The following DIP2C variants were observed in gnomAD, a reference collection of about 807,000 sequenced individuals.
DIP2C encodes the protein disco-interacting protein 2 homolog C.
Under a neutral mutation model 192.4 loss-of-function variants are expected in DIP2C, and 33 were observed. That is an observed-to-expected ratio of 0.17 (90% confidence interval 0.13 to 0.23). DIP2C has a LOEUF of 0.23. DIP2C is among the 10% of genes least tolerant of loss of function. The pLI is 1.00. For missense variants in DIP2C, 1,537 were observed against 2,110.1 expected, an observed-to-expected ratio of 0.73 and a Z score of 5.32; for synonymous variants, 979 against 864.1, an observed-to-expected ratio of 1.13 and a Z score of -2.33.
chr10:378,719 A>T (rs1961976178), intron 17 of DIP2C, among the ~76,000 whole-genome samples: 1 of 152,024 alleles, frequency 6.6e-6, no homozygotes, highest in African/African-American at 2.4e-5. Context: ...ATGCACAGAC[A>T]CGTGAACAGA....
At chr10:398,348 AAACTCTTTCAACC>A (rs1304543219) in intron 10 of DIP2C, among the ~76,000 whole-genome samples, 1 of 152,222 alleles carries the variant, frequency 6.6e-6, no homozygotes, top group African/African-American at 2.4e-5. Flanking sequence ...GGCTTTAGAT[AAACTCTTTCAACC>A]AACTGCCAAT....
chr10:675,844 T>G (rs1830857244), intron 1 of DIP2C, among the ~76,000 whole-genome samples: 1 of 152,204 alleles, frequency 6.6e-6, no homozygotes, highest in African/African-American at 2.4e-5. Flanking sequence ...CTACAAATTT[T>G]TATTTCAATT....
At chr10:487,367 G>A (rs1844087445) in intron 1 of DIP2C, among the ~76,000 whole-genome samples, 1 of 152,068 alleles carries the variant, frequency 6.6e-6, no homozygotes, top group Non-Finnish European at 1.5e-5. Context: ...AGTTATCAAG[G>A]TACACACACA....
intron 1 of DIP2C, among the ~76,000 whole-genome samples, chr10:525,448 T>C (rs940279890): frequency 2.0e-5 from 3 of 152,232 alleles, no homozygotes; most frequent in Admixed American, 2.0e-4. Flanking sequence ...CAGATACTAA[T>C]TAGTAAAACA....
chr10:382,877 G>A lies in DIP2C; in HGVS notation c.1877-116C>T, dbSNP rs914440659. 1.3e-4 allele frequency: 78 copies of A among 580,728 alleles called. No homozygotes were observed. In the Middle Eastern group the frequency reaches 2.8e-3, roughly 21 times the overall value. 36.0% of individuals were successfully genotyped at this position (580,728 alleles called of 1,614,324 possible). A position where few individuals can be genotyped will look rare whatever the true frequency, so the allele number is the denominator to read the frequency against. On this transcript the variant is annotated intron_variant, in intron 16 of 36. Coordinates refer to ENST00000280886, the MANE Select transcript of DIP2C (RefSeq NM_014974.3). Reference sequence around the variant, plus strand: ...TCAGGCACAAGTGGATCTAGGCAGCGTGGAAAAATATTTAATACAATTTAT... The same window carrying A: ...TCAGGCACAAGTGGATCTAGGCAGCATGGAAAAATATTTAATACAATTTAT...
intron 32 of DIP2C, among the ~76,000 whole-genome samples, chr10:306,304 G>A (rs1022812952): frequency 6.6e-6 from 1 of 151,874 alleles, no homozygotes; most frequent in Admixed American, 6.6e-5. Flanking sequence ...AATAAAAAGG[G>A]CATCAGAAAC....
At chr10:364,986 A>G in intron 19 of DIP2C, 1 of 534,586 alleles carries the variant, frequency 1.9e-6, no homozygotes, top group South Asian at 1.4e-5. Context: ...ATCTCTCTTC[A>G]TTCATAAAAT....
At chr10:395,331 T>C (rs1179166805) in intron 10 of DIP2C, among the ~76,000 whole-genome samples, 1 of 152,208 alleles carries the variant, frequency 6.6e-6, no homozygotes, top group African/African-American at 2.4e-5. Flanking sequence ...GTAAGCAAGG[T>C]GACAGATATG....
At chr10:579,858 T>C (rs1178144645) in intron 1 of DIP2C, among the ~76,000 whole-genome samples, 3 of 152,078 alleles carry the variant, frequency 2.0e-5, no homozygotes. Flanking sequence ...ACAGTGTACA[T>C]GCATATGTAC....
intron 1 of DIP2C, among the ~76,000 whole-genome samples, chr10:617,504 C>T (rs1387700407): frequency 6.6e-6 from 1 of 152,138 alleles, no homozygotes; most frequent in African/African-American, 2.4e-5. Flanking sequence ...CTTCTATGCA[C>T]CCTCTGCCAC....
chr10:684,567 C>T (rs1210046740), intron 1 of DIP2C, among the ~76,000 whole-genome samples: 1 of 152,122 alleles, frequency 6.6e-6, no homozygotes, highest in Non-Finnish European at 1.5e-5. Context: ...GAAGGTGGTC[C>T]CCTGGTCAGC....
In DIP2C at chr10:604,177, CTG is replaced by C. The variant is rs1470820628; in HGVS notation, c.85+85315_85+85316del. Among the ~76,000 whole-genome samples the C allele has an allele frequency of 4.0e-5, 6 of 151,568 alleles. No individual in the cohort carries two copies. The East Asian group carries it at 1.3e-3, about 32-fold the overall frequency. ...CCAGGGTCCTCCCCCATCTCACTGT[CTG>C]TTACGCAGTCACATCTCCAAAGCCT... is the stretch of plus-strand genomic sequence containing the variant. On this transcript the variant is annotated intron_variant, in intron 1 of 36. Transcript: ENST00000280886.
At chr10:543,967 T>A (rs188326983) in intron 1 of DIP2C, among the ~76,000 whole-genome samples, 23 of 152,342 alleles carry the variant, frequency 1.5e-4, no homozygotes, top group Middle Eastern at 3.4e-3. Context: ...TTCTCTGGAT[T>A]TGCCCACTCT....
chr10:383,903 A>G (rs1962611984), intron 16 of DIP2C, 124 bp downstream of exon 16: 1 of 1,291,206 alleles, frequency 7.7e-7, no homozygotes, highest in Non-Finnish European at 1.0e-6. Context: ...GAAAAATCAA[A>G]GTGCAAAGAA....
chr10:462,487 C>T (rs2133385064), intron 3 of DIP2C, among the ~76,000 whole-genome samples: 1 of 152,262 alleles, frequency 6.6e-6, no homozygotes, highest in East Asian at 1.9e-4. Context: ...GAAGCTGAAT[C>T]CCTGAATAGA....
At chr10:498,644 G>T (rs546191609) in intron 1 of DIP2C, among the ~76,000 whole-genome samples, 1 of 152,138 alleles carries the variant, frequency 6.6e-6, no homozygotes, top group Admixed American at 6.5e-5. Context: ...CCTTCCCAGA[G>T]AATATAATTT....
At position 478,015 on chromosome 10, in the gene DIP2C, AGG is replaced by A. The variant is rs765356536; in HGVS notation, c.158-5468_158-5467del. Among the ~76,000 whole-genome samples, 12 of 16,856 alleles carry A rather than the reference AGG, an allele frequency of 7.1e-4. 3 individuals are homozygous for A. The highest frequency in any genetic ancestry group is 4.7e-3 in the South Asian group (2 of 428). The allele number at this position is 16,856 out of a possible 152,430, so 11.1% of individuals were successfully genotyped here. A position where few individuals can be genotyped will look rare whatever the true frequency, so the allele number is the denominator to read the frequency against. On this transcript the variant is annotated intron_variant, in intron 2 of 36. Transcript: ENST00000280886. ...AAGATAGAAGAGGAAAAAAGAGGGG[AGG>A]GGAGGGGAGGGGAGGGGAAAAGGAG...
chr10:349,498 A>G, intron 24 of DIP2C, 44 bp from the exon 25 acceptor site: 1 of 1,578,018 alleles, frequency 6.3e-7, no homozygotes, highest in Non-Finnish European at 8.6e-7. Context: ...TTCCTTCAGC[A>G]GAGCAGCTTG....
chr10:420,204 C>T (rs557051766), intron 5 of DIP2C, among the ~76,000 whole-genome samples: 12 of 152,320 alleles, frequency 7.9e-5, no homozygotes, highest in South Asian at 2.1e-4. Flanking sequence ...GTCTAGACGG[C>T]GAAATCAACT....
Sources: gnomAD v4.1 joint callset for allele counts (sites outside exome capture counted in the v4.1 genomes callset) on GRCh38, gnomAD v4.1.1 for gene constraint, MANE v1.5 for transcripts, NCBI Gene and HGNC (gene_info 2026-07-23, HGNC 2026-07-21) for gene names.